Variants in TNRC6A observed in about 807,000 individuals in gnomAD.
TNRC6A encodes trinucleotide repeat-containing gene 6A protein.
In TNRC6A, 44 loss-of-function variants were observed where a neutral mutation model predicts 221.2. The ratio of observed to expected loss-of-function variants is 0.20; its 90% CI spans 0.16 to 0.26. TNRC6A has a LOEUF of 0.26. TNRC6A is among the 10% of genes least tolerant of loss of function. The probability of loss-of-function intolerance (pLI) is 1.00; values close to 1 mark genes in which losing one functional copy is unlikely to be tolerated. For synonymous variants in TNRC6A, 847 were observed against 838.5 expected (o/e 1.01, Z -0.18); for missense variants, 2,199 against 2,404.4 (o/e 0.91, Z 1.79).
chr16:24,807,581 A>G (rs898977693), intron 17 of TNRC6A, among the ~76,000 whole-genome samples: 1 of 152,170 alleles, frequency 6.6e-6, no homozygotes, highest in Non-Finnish European at 1.5e-5. Flanking sequence ...TTACTGATAT[A>G]AATTTAAAAA....
intron 5 of TNRC6A, among the ~76,000 whole-genome samples, chr16:24,782,030 G>A (rs1464800881): frequency 1.3e-5 from 2 of 152,004 alleles, no homozygotes; most frequent in African/African-American, 2.4e-5. Flanking sequence ...CACCATGTTA[G>A]CCAGGGTGGT....
chr16:24,736,490 T>TG (rs1404070394), intron 2 of TNRC6A, among the ~76,000 whole-genome samples: 8 of 152,334 alleles, frequency 5.3e-5, no homozygotes, highest in Middle Eastern at 6.8e-3. Context: ...TGCATTTAGT[T>TG]GTGTCTGAAG....
Position 24,804,331 on chromosome 16 carries a change from T to A in TNRC6A, c.3837+12T>A. The A allele has an allele frequency of 6.2e-7, 1 of 1,608,580 alleles. No homozygotes were observed. Among genetic ancestry groups the A allele is most frequent in the South Asian group, 1.1e-5 (1 of 89,542 alleles). ...CTTATTTTGATAAGGTAAGGTTTTT[T>A]ACTTTTACCTCTGACTTGATAAACC... is the stretch of plus-strand genomic sequence containing the variant. On this transcript the variant is annotated intron_variant, in intron 12 of 24. Coordinates refer to ENST00000395799, the MANE Select transcript of TNRC6A (RefSeq NM_014494.4).
chr16:24,716,723 G>A (rs1043683659), intron 2 of TNRC6A, among the ~76,000 whole-genome samples: 14 of 151,896 alleles, frequency 9.2e-5, no homozygotes, highest in African/African-American at 3.4e-4. Flanking sequence ...ACTTTGGGAG[G>A]CTGAGGCGGG....
chr16:24,688,011 C>T (rs1232171501), intron 2 of TNRC6A, among the ~76,000 whole-genome samples: 3 of 148,514 alleles, frequency 2.0e-5, no homozygotes, highest in Non-Finnish European at 4.4e-5. Flanking sequence ...CTGCTCACTG[C>T]AAGCTCCGCC....
chr16:24,739,981 C>T (rs925694189), intron 2 of TNRC6A, among the ~76,000 whole-genome samples: 1 of 152,194 alleles, frequency 6.6e-6, no homozygotes, highest in African/African-American at 2.4e-5. Context: ...TTGCATATGG[C>T]ATGAGGGCTC....
chr16:24,731,126 C>T (rs961770449), intron 2 of TNRC6A, among the ~76,000 whole-genome samples: 4 of 152,066 alleles, frequency 2.6e-5, no homozygotes, highest in Admixed American at 1.3e-4. Context: ...TCTTATTCCC[C>T]TTTTTCTTTT....
chr16:24,744,994 G>T (rs1246403182), intron 2 of TNRC6A, among the ~76,000 whole-genome samples: 1 of 151,952 alleles, frequency 6.6e-6, no homozygotes, highest in Admixed American at 6.6e-5. Context: ...GGAGACCTTT[G>T]TTTTGCAGCT....
chr16:24,729,973 G>C (rs1243585346), intron 1 of TNRC6A, 127 bp downstream of exon 1: 1 of 898,402 alleles, frequency 1.1e-6, no homozygotes, highest in Admixed American at 5.0e-5. Context: ...GCCTCGGCGG[G>C]AGGGCGCAGG....
At position 24,790,537 on chromosome 16, in the gene TNRC6A, G is replaced by A; in HGVS notation, c.1895G>A (p.Gly632Asp). ...CAGCATTCCAATGATAGTGCAAATG[G>A]CAATGGTAAGACGTTTACAAATGGA... Reference protein sequence around the residue: ...SNQHSNDSANGNGKTFTNGWK... With the variant: ...SNQHSNDSANDNGKTFTNGWK... The change falls in exon 6 of 25, where the codon GGC becomes GAC. Residue 632 changes from glycine to aspartate, a missense_variant. Gly to Asp is a moderately conservative substitution (Grantham distance 94). This residue lies in a region of TNRC6A where 1,405 missense variants were observed against 1,400.2 expected (regional missense o/e 1.00). Transcript: ENST00000395799. 3 of 1,614,214 alleles carry A rather than the reference G, an allele frequency of 1.9e-6. No homozygotes were observed. Among genetic ancestry groups the A allele is most frequent in the Non-Finnish European group, 2.5e-6 (3 of 1,180,054 alleles).
Position 24,789,868 on chromosome 16 carries a change from C to T in TNRC6A, c.1226C>T (p.Ser409Phe). 6.2e-7 allele frequency: 1 copy of T among 1,614,120 alleles called. No individual in the cohort carries two copies. The highest frequency in any genetic ancestry group is 2.2e-5 in the East Asian group (1 of 44,884). ...ATGCCTAACAATCAGAGTATTAACTCTAAAGTGAGTGGTGGTTCTACCCAT... is the reference window on the plus strand; with the variant it reads ...ATGCCTAACAATCAGAGTATTAACTTTAAAGTGAGTGGTGGTTCTACCCAT... Reference protein sequence around the residue: ...GQMPNNQSINSKVSGGSTHGT... With the variant: ...GQMPNNQSINFKVSGGSTHGT... Residue 409 changes from serine to phenylalanine, a missense_variant, in exon 6 of 25, where the codon TCT becomes TTT. Coordinates refer to ENST00000395799, the MANE Select transcript of TNRC6A (RefSeq NM_014494.4).
chr16:24,818,409 G>C (rs1031521350), intron 20 of TNRC6A, among the ~76,000 whole-genome samples, 184 bp from the exon 21 acceptor site: 1 of 152,204 alleles, frequency 6.6e-6, no homozygotes, highest in Non-Finnish European at 1.5e-5. Context: ...GACAATTGGC[G>C]AGCTCGCTCA....
At chr16:24,808,481 GGA>G (rs2058479067) in intron 17 of TNRC6A, among the ~76,000 whole-genome samples, 1 of 152,242 alleles carries the variant, frequency 6.6e-6, no homozygotes, top group Admixed American at 6.5e-5. Flanking sequence ...AGAGTTGCAT[GGA>G]GACACCGGGA....
chr16:24,802,065 GAACAGTACTTCTTAGCTACTT>G (rs1268924251), intron 11 of TNRC6A, among the ~76,000 whole-genome samples: 1 of 152,162 alleles, frequency 6.6e-6, no homozygotes, highest in Non-Finnish European at 1.5e-5. Context: ...TTCATGACTG[GAACAGTACTTCTTAGCTACTT>G]TAAGAATTGT....
chr16:24,818,138 A>G (rs1437122663), intron 20 of TNRC6A, among the ~76,000 whole-genome samples: 1 of 152,156 alleles, frequency 6.6e-6, no homozygotes, highest in Non-Finnish European at 1.5e-5. Context: ...GAGCCTGAAT[A>G]TATCGCGTAA....
At chr16:24,625,737 C>CAAAAAAAAAAAAAAAAAA (rs749882396) in intron 1 of TNRC6A, among the ~76,000 whole-genome samples, 1 of 24,032 alleles carries the variant, frequency 4.2e-5, no homozygotes, top group African/African-American at 1.5e-4. Flanking sequence ...CGTCTCAAAA[C>CAAAAAAAAAAAAAAAAAA]AAAAAAAAAA....
At chr16:24,819,812 TA>T (rs138245750) in intron 21 of TNRC6A, 4,137 of 280,680 alleles carry the variant, frequency 0.015, 172 homozygotes, top group African/African-American at 0.084. Flanking sequence ...GTGACTCAAT[TA>T]CGGTTATTAA....
chr16:24,630,079 T>A (rs1157195839), intron 1 of TNRC6A, among the ~76,000 whole-genome samples: 1 of 152,200 alleles, frequency 6.6e-6, no homozygotes, highest in East Asian at 1.9e-4. Flanking sequence ...TACTATTTAA[T>A]TGTGAATATT....
At chr16:24,671,288 C>T (rs1001017658) in intron 2 of TNRC6A, among the ~76,000 whole-genome samples, 3 of 152,116 alleles carry the variant, frequency 2.0e-5, no homozygotes, top group Non-Finnish European at 2.9e-5. Context: ...GAGATTCATA[C>T]GGCTTAAGTT....
Sources: allele counts gnomAD v4.1 joint callset (sites outside exome capture counted in the v4.1 genomes callset), GRCh38; gene constraint gnomAD v4.1.1; regional missense constraint gnomAD v4.1.1; transcripts MANE v1.5; gene names NCBI Gene and HGNC (gene_info 2026-07-23, HGNC 2026-07-21).